The following TBX5 variants were observed in gnomAD, a reference collection of about 807,000 sequenced individuals.
TBX5 encodes T-box transcription factor TBX5.
Under a neutral mutation model 51.1 loss-of-function variants are expected in TBX5, and 8 were observed. The observed-to-expected ratio is 0.16, with a 90% confidence interval of 0.09 to 0.28. TBX5 has a LOEUF of 0.28. TBX5 is among the 10% of genes least tolerant of loss of function. TBX5 has a pLI of 1.00. For synonymous variants in TBX5, 302 were observed against 266.4 expected, an observed-to-expected ratio of 1.13 and a Z score of -1.30; for missense variants, 589 against 671.7, an observed-to-expected ratio of 0.88 and a Z score of 1.36.
intron 7 of TBX5, among the ~76,000 whole-genome samples, chr12:114,376,594 GTT>G (rs34039858): frequency 0.023 from 3,470 of 151,768 alleles, 68 homozygotes; most frequent in African/African-American, 0.041. Flanking sequence ...TGTGAATACA[GTT>G]AAGAGCACAG....
At chr12:114,374,819 T>C (rs1870104084) in intron 7 of TBX5, among the ~76,000 whole-genome samples, 1 of 152,116 alleles carries the variant, frequency 6.6e-6, no homozygotes, top group South Asian at 2.1e-4. Flanking sequence ...CACTGTAGTG[T>C]TTGGGGTAAA....
chr12:114,380,545 G>A (rs1870451697), intron 7 of TBX5, among the ~76,000 whole-genome samples: 1 of 152,172 alleles, frequency 6.6e-6, no homozygotes, highest in Non-Finnish European at 1.5e-5. Context: ...TCACAGGACT[G>A]ATGTGTCCAT....
At chr12:114,366,071 T>C (rs776902174) in intron 8 of TBX5, 94 bp downstream of exon 8, 13 of 1,273,308 alleles carry the variant, frequency 1.0e-5, no homozygotes, top group Non-Finnish European at 1.4e-5. Context: ...ATAAATAAAG[T>C]AAATAAATGA....
chr12:114,407,715 G>C (rs1872316175), upstream of TBX5: 9 of 961,200 alleles, frequency 9.4e-6, no homozygotes, highest in South Asian at 3.4e-4. Flanking sequence ...AGCACAGCAA[G>C]AGAAGATTCA....
chr12:114,391,843 T>G (rs984144406), intron 6 of TBX5, among the ~76,000 whole-genome samples: 2 of 152,182 alleles, frequency 1.3e-5, no homozygotes, highest in African/African-American at 4.8e-5. Flanking sequence ...GCAGGGGCCC[T>G]GCACTTGACT....
intron 8 of TBX5, among the ~76,000 whole-genome samples, chr12:114,364,937 C>G (rs1277492536): frequency 6.6e-6 from 1 of 152,140 alleles, no homozygotes; most frequent in Non-Finnish European, 1.5e-5. Context: ...ACAGCTCACA[C>G]CAAGCAATGG....
intron 7 of TBX5, among the ~76,000 whole-genome samples, chr12:114,370,292 GAAAAGAAAAGAAAAGAAAA>G (rs1869809764): frequency 3.6e-5 from 1 of 28,126 alleles, no homozygotes; most frequent in Admixed American, 2.7e-4. Context: ...AGAAAAGAAA[GAAAAGAAAAGAAAAGAAAA>G]GAAAGAAAAG....
At chr12:114,364,382 T>C (rs550804549) in intron 8 of TBX5, among the ~76,000 whole-genome samples, 1 of 152,326 alleles carries the variant, frequency 6.6e-6, no homozygotes, top group African/African-American at 2.4e-5. Context: ...AACCCTGAGA[T>C]AACATATGAT....
At chr12:114,380,862 T>A (rs1870468504) in intron 7 of TBX5, among the ~76,000 whole-genome samples, 1 of 142,250 alleles carries the variant, frequency 7.0e-6, no homozygotes, top group African/African-American at 2.6e-5. Context: ...AAAAAAAAAC[T>A]CCTTTGTCAC....
intron 7 of TBX5, among the ~76,000 whole-genome samples, chr12:114,378,660 G>A (rs1870339398): frequency 6.6e-6 from 1 of 151,974 alleles, no homozygotes; most frequent in African/African-American, 2.4e-5. Flanking sequence ...TTTCGAGACG[G>A]AGTTTCACTC....
At chr12:114,380,081 T>A (rs1870421521) in intron 7 of TBX5, among the ~76,000 whole-genome samples, 1 of 152,142 alleles carries the variant, frequency 6.6e-6, no homozygotes, top group Non-Finnish European at 1.5e-5. Flanking sequence ...TCTTCCTTGC[T>A]TCAGCCCAGA....
chr12:114,378,372 C>G (rs1870313208), intron 7 of TBX5, among the ~76,000 whole-genome samples: 1 of 152,184 alleles, frequency 6.6e-6, no homozygotes, highest in Non-Finnish European at 1.5e-5. Context: ...CTGAAGAAAG[C>G]AAGCTTGCAG....
At chr12:114,402,448 T>C (rs1441684920) in intron 2 of TBX5, among the ~76,000 whole-genome samples, 3 of 152,180 alleles carry the variant, frequency 2.0e-5, no homozygotes, top group Non-Finnish European at 4.4e-5. Context: ...GATGTGCAAA[T>C]ACTTGCTTAT....
intron 8 of TBX5, among the ~76,000 whole-genome samples, chr12:114,358,157 C>G (rs1240665173): frequency 6.6e-6 from 1 of 152,186 alleles, no homozygotes; most frequent in Non-Finnish European, 1.5e-5. Context: ...TTCCAACTCT[C>G]TAGATTTCTA....
intron 8 of TBX5, among the ~76,000 whole-genome samples, chr12:114,364,750 T>G (rs1466785472): frequency 6.6e-6 from 1 of 152,212 alleles, no homozygotes; most frequent in East Asian, 1.9e-4. Flanking sequence ...TGCCACCTAC[T>G]GCGTACTTGC....
chr12:114,359,272 G>T (rs1334479542), intron 8 of TBX5, among the ~76,000 whole-genome samples: 2 of 152,166 alleles, frequency 1.3e-5, no homozygotes, highest in Non-Finnish European at 2.9e-5. Flanking sequence ...ACATTGTAAA[G>T]AAATTCCAAC....
intron 7 of TBX5, among the ~76,000 whole-genome samples, chr12:114,368,424 C>A (rs1384571785): frequency 6.6e-6 from 1 of 152,120 alleles, no homozygotes; most frequent in African/African-American, 2.4e-5. Flanking sequence ...AAGAGCTACA[C>A]GTAACGCATT....
rs141775157 is a variant in TBX5 at position 114,371,132 on chromosome 12, C to T, written c.756-4741G>A. Among the ~76,000 whole-genome samples, 234 of 152,276 alleles carry T rather than the reference C, an allele frequency of 1.5e-3. 1 individual carries two copies. The highest frequency in any genetic ancestry group is 5.3e-3 in the African/African-American group (221 of 41,544). On this transcript the variant is annotated intron_variant, in intron 7 of 8. Transcript: ENST00000405440. Reference sequence around the variant, plus strand: ...GAGAGAATTGGATATTGGCTCCACCCGGGCAATATCAAGATCTACTGATCT... The same window carrying T: ...GAGAGAATTGGATATTGGCTCCACCTGGGCAATATCAAGATCTACTGATCT...
At chr12:114,362,032 C>T (rs1869269562) in intron 8 of TBX5, among the ~76,000 whole-genome samples, 1 of 152,064 alleles carries the variant, frequency 6.6e-6, no homozygotes, top group African/African-American at 2.4e-5. Context: ...GTAAGTTCCT[C>T]AGTGTTGGTT....
Sources: gnomAD v4.1 joint callset for allele counts (sites outside exome capture counted in the v4.1 genomes callset) on GRCh38, gnomAD v4.1.1 for gene constraint, MANE v1.5 for transcripts, NCBI Gene and HGNC (gene_info 2026-07-23, HGNC 2026-07-21) for gene names.